TLR1: variants seen among roughly 807,000 people sequenced by gnomAD.
TLR1 encodes toll-like receptor 1.
In TLR1, 19 loss-of-function variants were observed where a neutral mutation model predicts 20.2. The ratio of observed to expected loss-of-function variants is 0.94; its 90% CI spans 0.66 to 1.38. The LOEUF (loss-of-function observed/expected upper bound fraction) is 1.38. Ranked by LOEUF, TLR1 falls within the 40% of genes most tolerant of loss-of-function variation. The pLI is 0.00. For synonymous variants in TLR1, 320 were observed against 334.5 expected, an observed-to-expected ratio of 0.96 and a Z score of 0.47; for missense variants, 921 against 910.0, an observed-to-expected ratio of 1.01 and a Z score of -0.16.
chr4:38,804,974 G>A (rs1271745437), upstream of TLR1: 1 of 152,136 alleles, frequency 6.6e-6, no homozygotes, highest in African/African-American at 2.4e-5. Flanking sequence ...TTACCTGATA[G>A]GCCTGTATTA....
rs55941867 is a variant in TLR1 at position 38,799,233 on chromosome 4, A to T, written c.-67-335T>A. Among the ~76,000 whole-genome samples the T allele has an allele frequency of 5.8e-4, 89 of 152,346 alleles. 4 individuals are homozygous for T. In the South Asian group the frequency reaches 0.017, roughly 30 times the overall value. On this transcript the variant is annotated intron_variant, in intron 3 of 3. Transcript: ENST00000308979. Reference sequence around the variant, plus strand: ...CTTTGCAGAGATAATAAAGTTAAGGATCTTGAGATGAGGAGATCATCCCAA... The same window carrying T: ...CTTTGCAGAGATAATAAAGTTAAGGTTCTTGAGATGAGGAGATCATCCCAA...
At chr4:38,801,437 G>A (rs1014543205) in intron 2 of TLR1, among the ~76,000 whole-genome samples, 2 of 152,192 alleles carry the variant, frequency 1.3e-5, no homozygotes, top group Non-Finnish European at 2.9e-5. Flanking sequence ...CTGGTACTTT[G>A]TTACAGCAAT....
downstream of TLR1, among the ~76,000 whole-genome samples, chr4:38,792,426 T>A (rs1725767809): frequency 6.6e-6 from 1 of 152,204 alleles, no homozygotes. Context: ...CTAGTTGAAA[T>A]CATAGTGTAC....
Position 38,800,868 on chromosome 4 carries a change from G to A in TLR1, c.-79C>T, listed in dbSNP as rs896751799. The A allele has an allele frequency of 2.6e-5, 4 of 152,558 alleles. No homozygotes were observed. Among genetic ancestry groups the A allele is most frequent in the Admixed American group, 6.5e-5 (1 of 15,268 alleles). 9.5% of individuals were successfully genotyped at this position (152,558 alleles called of 1,614,324 possible). A position where few individuals can be genotyped will look rare whatever the true frequency, so the allele number is the denominator to read the frequency against. On this transcript the variant is annotated 5_prime_UTR_variant, in exon 3 of 4. Transcript: ENST00000308979. ...TTCCTTGGACTTACCCTTTTGTAGG[G>A]GTGCCCAATATGCCTTTGTTATCCT...
downstream of TLR1, among the ~76,000 whole-genome samples, chr4:38,788,072 T>A (rs144861029): frequency 2.1e-3 from 313 of 152,178 alleles, 2 homozygotes; most frequent in African/African-American, 7.2e-3. Flanking sequence ...GGAATATGTG[T>A]ATCTATTAGA....
chr4:38,804,716 T>C (rs1458257942), intron 1 of TLR1, 38 bp downstream of exon 1: 2 of 152,232 alleles, frequency 1.3e-5, no homozygotes, highest in East Asian at 1.9e-4. Context: ...AGCTATACAA[T>C]TATTTTCTTT....
upstream of TLR1, chr4:38,804,871 GT>G (rs1212188802): frequency 6.6e-6 from 1 of 152,126 alleles, no homozygotes; most frequent in African/African-American, 2.4e-5. Flanking sequence ...CAAAAAGGCT[GT>G]TTTATGCCAC....
rs1425394441 is a variant in TLR1 at position 38,796,911 on chromosome 4, T to C, written c.1921A>G (p.Ile641Val). 3 of 1,614,074 alleles carry C rather than the reference T, an allele frequency of 1.9e-6. No individual in the cohort carries two copies. Among genetic ancestry groups the C allele is most frequent in the Non-Finnish European group, 2.5e-6 (3 of 1,180,054 alleles). The change falls in exon 4 of 4, where the codon ATT becomes GTT. Residue 641 changes from isoleucine to valine, a missense_variant. Coordinates refer to ENST00000308979, the MANE Select transcript of TLR1 (RefSeq NM_003263.4). ...AAAGAATCGTGCCCACTATATGAAA[T>C]AAATGCATGAAACTGGAGATTTCTT... ...LQRNLQFHAF[I>V]SYSGHDSFWV...
rs990267834 is a variant in TLR1, at chr4:38,797,819, A to G, written c.1013T>C (p.Met338Thr). ...TTTGGATGGGCAAAGCATGTGGACC[A>G]TGCGTGTACCAGACACTGTGAAATT... ...IKNFTVSGTR[M>T]VHMLCPSKIS... is the part of the protein sequence containing the mutation. Residue 338 changes from methionine (M) to threonine (T), a missense_variant, in exon 4 of 4, where the codon ATG (methionine) becomes ACG (threonine). Transcript: ENST00000308979. 14 of 1,614,064 alleles carry G rather than the reference A, an allele frequency of 8.7e-6. No individual in the cohort carries two copies. Among genetic ancestry groups the G allele is most frequent in the Middle Eastern group, 3.3e-4 (2 of 6,084 alleles).
In TLR1 at chr4:38,796,972, C is replaced by A; in HGVS notation, c.1860G>T (p.Arg620=). The change falls in exon 4 of 4, where the codon CGG becomes CGT. Residue 620 remains arginine (R), a synonymous_variant. Transcript: ENST00000308979. ...CTAAGGGTATGTTCCTGGCCCTGCG[C>A]CGGGTCTGGGTCCACTGGCACACCA... The part of the protein sequence containing the change: ...LRMVCQWTQT[R]RRARNIPLEE... 1.9e-6 allele frequency: 3 copies of A among 1,614,220 alleles called. No homozygotes were observed. Among genetic ancestry groups the A allele is most frequent in the Non-Finnish European group, 2.5e-6 (3 of 1,180,044 alleles).
chr4:38,789,784 G>C (rs1725675628), downstream of TLR1, among the ~76,000 whole-genome samples: 1 of 152,266 alleles, frequency 6.6e-6, no homozygotes, highest in Middle Eastern at 3.4e-3. Flanking sequence ...CTTTTTAAAA[G>C]AGCAATATTT....
At chr4:38,789,619 T>C (rs769196350), downstream of TLR1, among the ~76,000 whole-genome samples, 4 of 152,066 alleles carry the variant, frequency 2.6e-5, no homozygotes, top group Admixed American at 1.3e-4. Flanking sequence ...CGCACAACCA[T>C]GCCCGGCTAA....
intron 2 of TLR1, 49 bp from the exon 3 acceptor site, chr4:38,800,997 G>C (rs1038184261): frequency 6.6e-6 from 1 of 152,596 alleles, no homozygotes; most frequent in African/African-American, 2.4e-5. Context: ...TAAAAGTCAA[G>C]GTGGTGTTTT....
At chr4:38,805,278 G>T (rs565397608), upstream of TLR1, 2 of 152,294 alleles carry the variant, frequency 1.3e-5, no homozygotes, top group African/African-American at 4.8e-5. Context: ...TCATGTGCTG[G>T]TTACAGGATG....
downstream of TLR1, among the ~76,000 whole-genome samples, chr4:38,796,065 T>C (rs56036270): frequency 1.1e-4 from 17 of 152,314 alleles, no homozygotes; most frequent in South Asian, 2.9e-3. Context: ...GAATGCACCA[T>C]GGATATGAGG....
downstream of TLR1, among the ~76,000 whole-genome samples, chr4:38,788,884 T>G (rs1725658455): frequency 6.6e-6 from 1 of 152,046 alleles, no homozygotes; most frequent in Non-Finnish European, 1.5e-5. Flanking sequence ...GGCATGCCCA[T>G]ATTCCTAGCT....
At chr4:38,799,718 T>C (rs1449519267) in intron 3 of TLR1, among the ~76,000 whole-genome samples, 1 of 152,228 alleles carries the variant, frequency 6.6e-6, no homozygotes, top group East Asian at 1.9e-4. Flanking sequence ...TTGGGACTGC[T>C]CTTCTATTAC....
rs777263861 is a variant in TLR1 at position 38,797,517 on chromosome 4, T to C, written c.1315A>G (p.Ile439Val). The change falls in exon 4 of 4, where the codon ATT (isoleucine) becomes GTT (valine). Residue 439 changes from isoleucine (I) to valine (V), a missense_variant. Ile to Val is a conservative substitution (Grantham distance 29, BLOSUM62 3). Transcript: ENST00000308979. ...ATCCTGGGAGGTAAACATCTGAAAA[T>C]AGTGTCAGTAAGTATATTTGAAGAC... ...NMSSNILTDT[I>V]FRCLPPRIKV... is the part of the protein sequence containing the mutation. 3 of 1,613,908 alleles carry C rather than the reference T, an allele frequency of 1.9e-6. No individual in the cohort carries two copies. Among genetic ancestry groups the C allele is most frequent in the Non-Finnish European group, 2.5e-6 (3 of 1,180,006 alleles).
At chr4:38,795,862 C>A (rs1283662445), downstream of TLR1, among the ~76,000 whole-genome samples, 2 of 152,102 alleles carry the variant, frequency 1.3e-5, no homozygotes, top group Non-Finnish European at 2.9e-5. Flanking sequence ...TGATTTATCT[C>A]AAAAAATGAG....
Sources: allele counts gnomAD v4.1 joint callset (sites outside exome capture counted in the v4.1 genomes callset), GRCh38; gene constraint gnomAD v4.1.1; transcripts MANE v1.5; gene names NCBI Gene and HGNC (gene_info 2026-07-23, HGNC 2026-07-21).